The following TNPO3 variants were observed in gnomAD, a reference collection of about 807,000 sequenced individuals.
The protein encoded by TNPO3 is transportin 3.
A neutral mutation model predicts 122.8 loss-of-function variants in TNPO3; 65 were observed. The observed-to-expected ratio is 0.53, with a 90% CI of 0.43 to 0.65. The LOEUF (loss-of-function observed/expected upper bound fraction) is 0.65, where lower values mean the gene tolerates loss of function less well. Ranked by LOEUF, TNPO3 falls within the 30% of genes least tolerant of loss-of-function variation. TNPO3 has a pLI of 0.00. For synonymous variants in TNPO3, 372 were observed against 411.2 expected (o/e 0.90, Z 1.15); for missense variants, 850 against 1,136.7 (o/e 0.75, Z 3.63).
At chr7:129,004,004 T>C (rs1311294460) in intron 5 of TNPO3, among the ~76,000 whole-genome samples, 1 of 152,198 alleles carries the variant, frequency 6.6e-6, no homozygotes, top group East Asian at 1.9e-4. Flanking sequence ...TTTGTTGACG[T>C]GATAATAAAT....
At chr7:129,022,951 GA>G (rs1358702142) in intron 1 of TNPO3, among the ~76,000 whole-genome samples, 4 of 152,154 alleles carry the variant, frequency 2.6e-5, no homozygotes, top group African/African-American at 7.2e-5. Flanking sequence ...CAACAATTAA[GA>G]ATAAATGAAA....
intron 20 of TNPO3, among the ~76,000 whole-genome samples, chr7:128,969,709 G>T (rs920833654): frequency 6.6e-6 from 1 of 152,162 alleles, no homozygotes; most frequent in Non-Finnish European, 1.5e-5. Flanking sequence ...TGTACATTGT[G>T]GGTTACTTTG....
At chr7:128,963,932 TC>T (rs1797696483) in intron 21 of TNPO3, among the ~76,000 whole-genome samples, 1 of 152,148 alleles carries the variant, frequency 6.6e-6, no homozygotes, top group Non-Finnish European at 1.5e-5. Context: ...AAGCCTCCCT[TC>T]CCCTCCTAGT....
intron 10 of TNPO3, among the ~76,000 whole-genome samples, chr7:128,990,512 G>C (rs1800637025): frequency 6.6e-6 from 1 of 152,190 alleles, no homozygotes; most frequent in Non-Finnish European, 1.5e-5. Flanking sequence ...ATTGCTGAAT[G>C]GCTAAACAGA....
intron 2 of TNPO3, 45 bp downstream of exon 2, chr7:129,017,912 C>T (rs1214486286): frequency 6.3e-7 from 1 of 1,582,100 alleles, no homozygotes; most frequent in East Asian, 2.2e-5. Flanking sequence ...CCTGATAAAT[C>T]CAAATGGCCA....
chr7:129,002,088 A>G (rs1802004682), intron 5 of TNPO3, among the ~76,000 whole-genome samples: 1 of 152,244 alleles, frequency 6.6e-6, no homozygotes, highest in Non-Finnish European at 1.5e-5. Flanking sequence ...TTCATTAACA[A>G]TGATGCATGC....
chr7:128,993,873 G>T lies in TNPO3; in HGVS notation c.1200C>A (p.Arg400=), dbSNP rs772320757. ...PEETDDFGEF[R]MRVSDLVKDL... is the part of the protein sequence containing the mutation. ...CCTTTACCAGGTCTGATACCCTCAT[G>T]CGAAACTCCCCAAAGTCATCAGTCT... Residue 400 remains arginine (R), a synonymous_variant, in exon 9 of 23, where the codon CGC becomes CGA. Coordinates refer to ENST00000265388, the MANE Select transcript of TNPO3 (RefSeq NM_012470.4). The T allele has an allele frequency of 1.9e-6, 3 of 1,614,006 alleles. No homozygotes were observed. The highest frequency in any genetic ancestry group is 2.5e-6 in the Non-Finnish European group (3 of 1,179,986).
At chr7:128,984,072 G>T in intron 13 of TNPO3, 96 bp downstream of exon 13, 2 of 674,682 alleles carry the variant, frequency 3.0e-6, no homozygotes. Context: ...GGATTTTCTA[G>T]GTAGACAAAA....
chr7:128,959,935 C>A (rs1415598044), intron 21 of TNPO3, among the ~76,000 whole-genome samples: 1 of 152,102 alleles, frequency 6.6e-6, no homozygotes, highest in Non-Finnish European at 1.5e-5. Context: ...GCTGGAGGAT[C>A]GCTTGAACCC....
chr7:129,054,945 GGAAACAGCTATT>G lies in TNPO3; in HGVS notation c.-187_-176del. On this transcript the variant is annotated 5_prime_UTR_variant, in exon 1 of 23. Coordinates refer to ENST00000265388, the MANE Select transcript of TNPO3 (RefSeq NM_012470.4). ...GGCTCTCCGTGGAAGTTGCCCCCTCGGAAACAGCTATTAGGTCGTATTCAGGTTCCTGGCCTT... is the reference window on the plus strand; with the variant it reads ...GGCTCTCCGTGGAAGTTGCCCCCTCGAGGTCGTATTCAGGTTCCTGGCCTT... 5.3e-6 allele frequency: 4 copies of G among 756,326 alleles called. No homozygotes were observed. In the South Asian group the frequency reaches 7.3e-5, roughly 14 times the overall value. 46.9% of individuals were successfully genotyped at this position (756,326 alleles called of 1,614,324 possible). A position where few individuals can be genotyped will look rare whatever the true frequency, so the allele number is the denominator to read the frequency against.
intron 4 of TNPO3, 79 bp downstream of exon 4, chr7:129,014,900 C>G (rs1803656083): frequency 7.1e-7 from 1 of 1,417,542 alleles, no homozygotes; most frequent in South Asian, 1.4e-5. Context: ...AGCTATTTCA[C>G]AATAATGCAA....
At chr7:129,051,624 A>G (rs1034753262) in intron 1 of TNPO3, among the ~76,000 whole-genome samples, 2 of 151,774 alleles carry the variant, frequency 1.3e-5, no homozygotes, top group African/African-American at 2.4e-5. Flanking sequence ...GCAAGAGCCA[A>G]TGGGCCTGGC....
intron 12 of TNPO3, among the ~76,000 whole-genome samples, chr7:128,985,283 T>C (rs1346876048): frequency 6.6e-6 from 1 of 152,212 alleles, no homozygotes; most frequent in South Asian, 2.1e-4. Context: ...TTAATTCCTA[T>C]AGAAAAGTAT....
intron 1 of TNPO3, among the ~76,000 whole-genome samples, chr7:129,041,292 C>G (rs1363529407): frequency 6.6e-6 from 1 of 152,166 alleles, no homozygotes; most frequent in East Asian, 1.9e-4. Context: ...AGCCCAGTAG[C>G]TGGAGGCAGC....
intron 15 of TNPO3, 142 bp downstream of exon 15, chr7:128,979,829 T>A (rs1799451068): frequency 5.4e-6 from 4 of 743,414 alleles, no homozygotes; most frequent in Non-Finnish European, 9.4e-6. Flanking sequence ...GATGGCTCTG[T>A]CCCTCATTTC....
chr7:128,994,439 C>T (rs762134591), intron 8 of TNPO3, among the ~76,000 whole-genome samples: 6 of 151,898 alleles, frequency 4.0e-5, no homozygotes, highest in Non-Finnish European at 7.4e-5. Context: ...CACCGTGAGC[C>T]GGCATGCCCT....
chr7:129,054,843 C>T lies in TNPO3; in HGVS notation c.-73G>A, dbSNP rs1207777378. ...GGATTCCTCGGTTGCTCCGCCTTCG[C>T]GCTTCCTCACTGTCTGGGCCACGGC... is the stretch of plus-strand genomic sequence containing the variant. On this transcript the variant is annotated 5_prime_UTR_variant, in exon 1 of 23. Coordinates refer to ENST00000265388, the MANE Select transcript of TNPO3 (RefSeq NM_012470.4). 3 of 1,601,816 alleles carry T rather than the reference C, an allele frequency of 1.9e-6. No homozygotes were observed. The highest frequency in any genetic ancestry group is 2.2e-5 in the East Asian group (1 of 44,722).
intron 21 of TNPO3, among the ~76,000 whole-genome samples, chr7:128,960,178 T>C (rs1797304226): frequency 6.6e-6 from 1 of 152,216 alleles, no homozygotes; most frequent in South Asian, 2.1e-4. Flanking sequence ...GTGATGCTGG[T>C]ATAAACAAAC....
intron 7 of TNPO3, among the ~76,000 whole-genome samples, chr7:128,999,312 G>A (rs1460262328): frequency 2.6e-5 from 4 of 152,150 alleles, no homozygotes; most frequent in African/African-American, 9.7e-5. Flanking sequence ...GAGAAAGGGA[G>A]AAAAAGCCTG....
Sources: allele counts gnomAD v4.1 joint callset (sites outside exome capture counted in the v4.1 genomes callset), GRCh38; gene constraint gnomAD v4.1.1; transcripts MANE v1.5; gene names NCBI Gene and HGNC (gene_info 2026-07-23, HGNC 2026-07-21).